SND1: variants seen among roughly 807,000 people sequenced by gnomAD.
The protein encoded by SND1 is staphylococcal nuclease domain-containing protein 1.
A neutral mutation model predicts 121.7 loss-of-function variants in SND1; 38 were observed. The ratio of observed to expected loss-of-function variants is 0.31; its 90% CI spans 0.24 to 0.41. The LOEUF (loss-of-function observed/expected upper bound fraction) is 0.41. Among genes scored for constraint, SND1 ranks in the 10% least tolerant of loss-of-function variants. The probability of loss-of-function intolerance (pLI) is 1.00; values close to 1 mark genes in which losing one functional copy is unlikely to be tolerated. For missense variants in SND1, 868 were observed against 1,184.6 expected, an observed-to-expected ratio of 0.73 and a Z score of 3.92; for synonymous variants, 401 against 447.4, an observed-to-expected ratio of 0.90 and a Z score of 1.31.
intron 15 of SND1, among the ~76,000 whole-genome samples, chr7:127,980,485 T>G (rs1418686553): frequency 1.3e-5 from 2 of 151,982 alleles, no homozygotes; most frequent in Non-Finnish European, 2.9e-5. Flanking sequence ...AGCCCAGAGG[T>G]TTTTTTTATT....
At chr7:127,763,109 T>A (rs1443647473) in intron 10 of SND1, among the ~76,000 whole-genome samples, 1 of 152,216 alleles carries the variant, frequency 6.6e-6, no homozygotes, top group Admixed American at 6.5e-5. Context: ...ACAAAACTCC[T>A]AGAACTCATG....
chr7:127,863,744 G>A (rs1252208937), intron 12 of SND1, among the ~76,000 whole-genome samples: 6 of 152,214 alleles, frequency 3.9e-5, no homozygotes, highest in Admixed American at 3.9e-4. Flanking sequence ...CAAAGGGCCA[G>A]ATGGTAAATA....
At chr7:128,087,503 G>A (rs1793706156) in intron 21 of SND1, among the ~76,000 whole-genome samples, 2 of 152,344 alleles carry the variant, frequency 1.3e-5, no homozygotes, top group South Asian at 4.1e-4. Flanking sequence ...AGTGAACAGA[G>A]GGACTAGAAT....
intron 12 of SND1, among the ~76,000 whole-genome samples, chr7:127,881,687 A>G (rs1349271214): frequency 1.3e-5 from 2 of 152,136 alleles, no homozygotes; most frequent in African/African-American, 4.8e-5. Context: ...CTGCCCCTTC[A>G]TGGTTTGACT....
intron 10 of SND1, among the ~76,000 whole-genome samples, chr7:127,791,129 G>A (rs1398555596): frequency 6.7e-6 from 1 of 149,326 alleles, no homozygotes; most frequent in Non-Finnish European, 1.5e-5. Flanking sequence ...AATGAAATGA[G>A]CTTTACCTCT....
chr7:127,981,289 T>C (rs62481454), intron 15 of SND1, among the ~76,000 whole-genome samples: 1 of 152,194 alleles, frequency 6.6e-6, no homozygotes, highest in Non-Finnish European at 1.5e-5. Context: ...AAAAAATTTT[T>C]GAAAGGCACA....
At chr7:127,721,207 G>T (rs1391743727) in intron 9 of SND1, 80 bp from the exon 10 acceptor site, 3 of 850,246 alleles carry the variant, frequency 3.5e-6, no homozygotes, top group Non-Finnish European at 6.0e-6. Context: ...CTTTCTACCT[G>T]TGAGGGTGGT....
At chr7:127,994,221 C>G (rs962085705) in intron 16 of SND1, among the ~76,000 whole-genome samples, 2 of 152,154 alleles carry the variant, frequency 1.3e-5, no homozygotes, top group African/African-American at 4.8e-5. Context: ...TACACTGACG[C>G]TAGTCAGCAC....
At chr7:128,083,979 T>C (rs1046486315) in intron 18 of SND1, among the ~76,000 whole-genome samples, 29 of 152,062 alleles carry the variant, frequency 1.9e-4, no homozygotes, top group African/African-American at 6.5e-4. Flanking sequence ...GTCAGAGTGC[T>C]TAGGGAAAGA....
intron 10 of SND1, among the ~76,000 whole-genome samples, chr7:127,777,501 GGTT>G (rs1432329073): frequency 1.3e-5 from 2 of 152,176 alleles, no homozygotes; most frequent in Non-Finnish European, 2.9e-5. Flanking sequence ...GAGGAAGTTT[GGTT>G]GTCCATATTT....
chr7:127,871,024 TGAAA>T (rs1799575379), intron 12 of SND1, among the ~76,000 whole-genome samples: 1 of 152,162 alleles, frequency 6.6e-6, no homozygotes, highest in African/African-American at 2.4e-5. Flanking sequence ...ACTCGTTTGT[TGAAA>T]AGTAAGACAC....
chr7:128,084,413 A>G (rs912958799), intron 18 of SND1, among the ~76,000 whole-genome samples: 1 of 152,186 alleles, frequency 6.6e-6, no homozygotes, highest in Non-Finnish European at 1.5e-5. Flanking sequence ...CCTTAATCAA[A>G]GCTCAGGCAC....
At position 128,029,909 on chromosome 7, in the gene SND1, G is replaced by A. The variant is rs771130627; in HGVS notation, c.1779+38853G>A. On this transcript the variant is annotated intron_variant, in intron 16 of 23. Coordinates refer to ENST00000354725, the MANE Select transcript of SND1 (RefSeq NM_014390.4). This position sits in a 1 kb window ranked among gnomAD's most constrained non-coding sequence, Gnocchi z 4.2. Reference sequence around the variant, plus strand: ...GTGAGTTCATGACCCAGAGCTTCTTGAGGGAGCTCAGGCCATGGAAGGAGC... The same window carrying A: ...GTGAGTTCATGACCCAGAGCTTCTTAAGGGAGCTCAGGCCATGGAAGGAGC... 15 of 1,613,118 alleles carry A rather than the reference G, an allele frequency of 9.3e-6. No individual in the cohort carries two copies. Among genetic ancestry groups the A allele is most frequent in the Non-Finnish European group, 1.3e-5 (15 of 1,180,038 alleles).
intron 12 of SND1, 93 bp downstream of exon 12, chr7:127,844,517 T>A: frequency 1.0e-6 from 1 of 956,126 alleles, no homozygotes; most frequent in South Asian, 1.7e-5. Flanking sequence ...CACTCTGCTT[T>A]GCTTTCTCCT....
At chr7:127,847,704 T>G (rs184518787) in intron 12 of SND1, among the ~76,000 whole-genome samples, 1 of 152,242 alleles carries the variant, frequency 6.6e-6, no homozygotes. Context: ...CTTTATTAAA[T>G]TTTTTAAAGC....
intron 16 of SND1, among the ~76,000 whole-genome samples, chr7:128,072,358 G>A (rs1361587264): frequency 6.6e-6 from 1 of 152,178 alleles, no homozygotes; most frequent in African/African-American, 2.4e-5. Flanking sequence ...TTTAGGGAAA[G>A]GACACTTGGC....
intron 11 of SND1, among the ~76,000 whole-genome samples, chr7:127,811,085 A>T (rs116694686): frequency 6.2e-4 from 94 of 152,284 alleles, no homozygotes; most frequent in African/African-American, 2.1e-3. Context: ...ATTTCTTTTG[A>T]TGAGCAAATA....
rs374429067 is a variant in SND1, at chr7:128,089,472, G to A, written c.2419-17G>A. 1.2e-6 allele frequency: 2 copies of A among 1,602,478 alleles called. No individual in the cohort carries two copies. Among genetic ancestry groups the A allele is most frequent in the South Asian group, 2.2e-5 (2 of 89,706 alleles). On this transcript the variant is annotated splice_polypyrimidine_tract_variant and intron_variant, in intron 21 of 23. Coordinates refer to ENST00000354725, the MANE Select transcript of SND1 (RefSeq NM_014390.4). ...TGTTCTCTGGCTTGCTCTGACCTGA[G>A]TGTGTCTCTGCTCCAGGATGATGCC... is the stretch of plus-strand genomic sequence containing the variant.
chr7:127,833,210 T>G (rs1584605823), intron 11 of SND1, among the ~76,000 whole-genome samples: 1 of 151,852 alleles, frequency 6.6e-6, no homozygotes, highest in East Asian at 1.9e-4. Context: ...CTTCTAATTA[T>G]GGTTTTGGGA....
Sources: allele counts gnomAD v4.1 joint callset (sites outside exome capture counted in the v4.1 genomes callset), GRCh38; gene constraint gnomAD v4.1.1; non-coding constraint Gnocchi (gnomAD v3.1); transcripts MANE v1.5; gene names NCBI Gene and HGNC (gene_info 2026-07-23, HGNC 2026-07-21).